The following TNFAIP2 variants were observed in gnomAD, a reference collection of about 807,000 sequenced individuals.
The protein encoded by TNFAIP2 is tumor necrosis factor alpha-induced protein 2.
Under a neutral mutation model 63.5 loss-of-function variants are expected in TNFAIP2, and 47 were observed. The ratio of observed to expected loss-of-function variants is 0.74; its 90% CI spans 0.59 to 0.94. TNFAIP2 has a LOEUF of 0.94. TNFAIP2 is among the 40% of genes least tolerant of loss of function. The probability of loss-of-function intolerance (pLI) is 0.00; values close to 1 mark genes in which losing one functional copy is unlikely to be tolerated. For synonymous variants in TNFAIP2, 405 were observed against 390.2 expected, an observed-to-expected ratio of 1.04 and a Z score of -0.45; for missense variants, 787 against 850.2, an observed-to-expected ratio of 0.93 and a Z score of 0.92.
At chr14:103,125,844 C>G (rs979449282) in intron 1 of TNFAIP2, among the ~76,000 whole-genome samples, 1 of 152,158 alleles carries the variant, frequency 6.6e-6, no homozygotes, top group African/African-American at 2.4e-5. Context: ...AGTCTCAGGC[C>G]GGTTCTGGTG....
chr14:103,131,268 A>C lies in TNFAIP2; in HGVS notation c.1298+118A>C, dbSNP rs1232828025. The C allele has an allele frequency of 6.1e-6, 7 of 1,141,410 alleles. No homozygotes were observed. In the Admixed American group the frequency reaches 1.3e-4, roughly 21 times the overall value. 70.7% of individuals were successfully genotyped at this position (1,141,410 alleles called of 1,614,324 possible). A position where few individuals can be genotyped will look rare whatever the true frequency, so the allele number is the denominator to read the frequency against. Reference sequence around the variant, plus strand: ...CCAAGAAGTGGAATTCAAACCAGCAACATGTGTGAGGACTCCACGGCCTGC... The same window carrying C: ...CCAAGAAGTGGAATTCAAACCAGCACCATGTGTGAGGACTCCACGGCCTGC... On this transcript the variant is annotated intron_variant, in intron 7 of 11. Coordinates refer to ENST00000560869, the MANE Select transcript of TNFAIP2 (RefSeq NM_006291.4). The surrounding 1 kb of genome is among the most constrained non-coding windows in gnomAD (Gnocchi z 4.0).
intron 2 of TNFAIP2, 111 bp from the exon 3 acceptor site, chr14:103,126,894 T>C: frequency 7.1e-7 from 1 of 1,404,652 alleles, no homozygotes; most frequent in South Asian, 1.5e-5. Context: ...TTTAGGGTGT[T>C]GGCCGCCGGC....
chr14:103,126,621 G>A lies in TNFAIP2; in HGVS notation c.164G>A (p.Gly55Asp). ...TTCACCAAAGGGAAGAAGAAGAAGG[G>A]TCAGCCCAGCTCAGCGGAGCCCGAG... ...CVFTKGKKKK[G>D]QPSSAEPEDA... The change falls in exon 2 of 12, where the codon GGT (glycine) becomes GAT (aspartate). Residue 55 changes from glycine (G) to aspartate (D), a missense_variant. By Grantham distance (94) the Gly-to-Asp change is moderately conservative (BLOSUM62 -1). Coordinates refer to ENST00000560869, the MANE Select transcript of TNFAIP2 (RefSeq NM_006291.4). 6.4e-7 allele frequency: 1 copy of A among 1,554,312 alleles called. No homozygotes were observed. The highest frequency in any genetic ancestry group is 8.7e-7 in the Non-Finnish European group (1 of 1,148,700).
chr14:103,132,438 A>G (rs2087996638), intron 8 of TNFAIP2, among the ~76,000 whole-genome samples: 1 of 152,106 alleles, frequency 6.6e-6, no homozygotes, highest in East Asian at 1.9e-4. Context: ...GCCAAGCACA[A>G]GGTCTTGTTT....
rs371126533 is a variant in TNFAIP2 at position 103,135,295 on chromosome 14, T to C, written c.1900T>C (p.Leu634=). Residue 634 remains leucine, a synonymous_variant, in exon 12 of 12, where the codon TTG becomes CTG. Coordinates refer to ENST00000560869, the MANE Select transcript of TNFAIP2 (RefSeq NM_006291.4). The surrounding 1 kb of genome is among the most constrained non-coding windows in gnomAD (Gnocchi z 7.6). ...TGAGGTCAAGCGCATCCGGAGCATC[T>C]TGGACGTCAGCATGGGGGCGCAGGA... is the stretch of plus-strand genomic sequence containing the variant. ...NSEVKRIRSI[L]DVSMGAQEPS... 3.1e-6 allele frequency: 5 copies of C among 1,613,872 alleles called. No individual in the cohort carries two copies. The highest frequency in any genetic ancestry group is 4.2e-6 in the Non-Finnish European group (5 of 1,179,976).
chr14:103,135,977 C>A lies in TNFAIP2; in HGVS notation c.*617C>A. 1 of 1,289,274 alleles carries A rather than the reference C, an allele frequency of 7.8e-7. No homozygotes were observed. The highest frequency in any genetic ancestry group is 1.0e-6 in the Non-Finnish European group (1 of 988,848). The allele number at this position is 1,289,274 out of a possible 1,614,324, so 79.9% of individuals were successfully genotyped here. On this transcript the variant is annotated 3_prime_UTR_variant, in exon 12 of 12. Transcript: ENST00000560869. This position sits in a 1 kb window ranked among gnomAD's most constrained non-coding sequence, Gnocchi z 7.6. ...CATCCAGGTGGCCCCACGGCCCCTACAGGCTGGCCCTGCAATGGGGCCCTG... is the reference window on the plus strand; with the variant it reads ...CATCCAGGTGGCCCCACGGCCCCTAAAGGCTGGCCCTGCAATGGGGCCCTG...
chr14:103,131,174 C>G lies in TNFAIP2; in HGVS notation c.1298+24C>G, dbSNP rs201861190. ...CGGTGAGAGTGTTGGGAGGGGCTTG[C>G]GGGAGTGGGAGTCACTCAGCGGGCA... On this transcript the variant is annotated intron_variant, in intron 7 of 11. Coordinates refer to ENST00000560869, the MANE Select transcript of TNFAIP2 (RefSeq NM_006291.4). This position sits in a 1 kb window ranked among gnomAD's most constrained non-coding sequence, Gnocchi z 4.0. 17 of 1,611,442 alleles carry G rather than the reference C, an allele frequency of 1.1e-5. No individual in the cohort carries two copies. In the East Asian group the frequency reaches 2.0e-4, roughly 19 times the overall value.
At position 103,135,174 on chromosome 14, in the gene TNFAIP2, G is replaced by C. The variant is rs373846891; in HGVS notation, c.1824-45G>C. 84 of 1,612,912 alleles carry C rather than the reference G, an allele frequency of 5.2e-5. No individual in the cohort carries two copies. In the African/African-American group the frequency reaches 9.9e-4, roughly 19 times the overall value. ...GGGAGTGCAGGGAGCTGGTGAGTAG[G>C]GGTGTGGGTGACAGGCTGGGCTGAC... On this transcript the variant is annotated intron_variant, in intron 11 of 11. Transcript: ENST00000560869. The surrounding 1 kb of genome is among the most constrained non-coding windows in gnomAD (Gnocchi z 7.6).
chr14:103,129,273 G>A (rs1473113099), intron 3 of TNFAIP2, among the ~76,000 whole-genome samples: 1 of 152,210 alleles, frequency 6.6e-6, no homozygotes, highest in Admixed American at 6.5e-5. Flanking sequence ...GCTGTGAGTA[G>A]GAGCAGGGTT....
chr14:103,133,374 G>A lies in TNFAIP2; in HGVS notation c.1558G>A (p.Ala520Thr). Residue 520 changes from alanine (A) to threonine (T), a missense_variant, in exon 10 of 12, where the codon GCC becomes ACC. Physicochemically the swap from Ala to Thr is moderately conservative, Grantham distance 58 (BLOSUM62 0). This residue lies in a region of TNFAIP2 where 523 missense variants were observed against 604.1 expected (regional missense o/e 0.87). Transcript: ENST00000560869. ...CTTGCCCTCCCAGGAGCTCATGGAG[G>A]CCTTGCACCTGCACCTGGTGAAGGA... ...QGCFREELME[A>T]LHLHLVKEYI... The A allele has an allele frequency of 6.2e-7, 1 of 1,613,560 alleles. No homozygotes were observed. The highest frequency in any genetic ancestry group is 8.5e-7 in the Non-Finnish European group (1 of 1,179,954).
At chr14:103,133,545 CCCT>C in intron 10 of TNFAIP2, 28 bp downstream of exon 10, 1 of 1,608,220 alleles carries the variant, frequency 6.2e-7, no homozygotes, top group Admixed American at 1.7e-5. Context: ...TCTCCCAAGC[CCCT>C]CTGAAATGGC....
Position 103,127,644 on chromosome 14 carries a change from G to A in TNFAIP2, c.860+15G>A. The A allele has an allele frequency of 1.4e-6, 2 of 1,458,348 alleles. No individual in the cohort carries two copies. Among genetic ancestry groups the A allele is most frequent in the Middle Eastern group, 1.8e-4 (1 of 5,522 alleles). 90.3% of individuals were successfully genotyped at this position (1,458,348 alleles called of 1,614,324 possible). A position where few individuals can be genotyped will look rare whatever the true frequency, so the allele number is the denominator to read the frequency against. On this transcript the variant is annotated intron_variant, in intron 3 of 11. Transcript: ENST00000560869. The surrounding 1 kb of genome is among the most constrained non-coding windows in gnomAD (Gnocchi z 5.1). ...CTCTACCCCAAGTGAGCAGACCAGGGGCTGGGCCCGGGCCGGCAGGGAGGG... is the reference window on the plus strand; with the variant it reads ...CTCTACCCCAAGTGAGCAGACCAGGAGCTGGGCCCGGGCCGGCAGGGAGGG...
chr14:103,129,769 G>A lies in TNFAIP2; in HGVS notation c.890G>A (p.Gly297Asp). Residue 297 changes from glycine (G) to aspartate (D), a missense_variant, in exon 4 of 12, where the codon GGT (glycine) becomes GAT (aspartate). By Grantham distance (94) the Gly-to-Asp change is moderately conservative (BLOSUM62 -1). Transcript: ENST00000560869. ...NDIINSPKLV[G>D]ELQGMGLGSL... ...ATCATCAACAGCCCCAAGCTGGTGG[G>A]TGAGCTGCAGGGTATGGGGCTCGGG... 6.2e-7 allele frequency: 1 copy of A among 1,614,012 alleles called. No individual in the cohort carries two copies. Among genetic ancestry groups the A allele is most frequent in the Non-Finnish European group, 8.5e-7 (1 of 1,179,952 alleles).
rs2088105677 is a variant in TNFAIP2 at position 103,136,956 on chromosome 14, G to C, written c.*1596G>C. ...GCTGTGTAACCTAACATAGTCACAG[G>C]CTCTGGGGACTGTCACGTGGACATC... On this transcript the variant is annotated 3_prime_UTR_variant, in exon 12 of 12. Coordinates refer to ENST00000560869, the MANE Select transcript of TNFAIP2 (RefSeq NM_006291.4). 6.6e-6 allele frequency: 1 copy of C among 152,182 alleles called. No homozygotes were observed. The highest frequency in any genetic ancestry group is 2.1e-4 in the South Asian group (1 of 4,832). 9.4% of individuals were successfully genotyped at this position (152,182 alleles called of 1,614,324 possible). A position where few individuals can be genotyped will look rare whatever the true frequency, so the allele number is the denominator to read the frequency against.
rs1320120227 is a variant in TNFAIP2 at position 103,127,305 on chromosome 14, C to G, written c.536C>G (p.Ala179Gly). Reference protein sequence around the residue: ...AAAGPGTSGLAATRPRRWLQL... With the variant: ...AAAGPGTSGLGATRPRRWLQL... ...GCGGGGCCGGGGACCTCGGGGCTGG[C>G]GGCCACGCGCCCGCGGCGCTGGCTG... Residue 179 changes from alanine to glycine, a missense_variant, in exon 3 of 12, where the codon GCG becomes GGG. Physicochemically the swap from Ala to Gly is moderately conservative, Grantham distance 60 (BLOSUM62 0). Transcript: ENST00000560869. The surrounding 1 kb of genome is among the most constrained non-coding windows in gnomAD (Gnocchi z 5.1). 1.0e-6 allele frequency: 1 copy of G among 987,508 alleles called. No individual in the cohort carries two copies. The highest frequency in any genetic ancestry group is 1.2e-6 in the Non-Finnish European group (1 of 833,170). 61.2% of individuals were successfully genotyped at this position (987,508 alleles called of 1,614,324 possible).
intron 3 of TNFAIP2, among the ~76,000 whole-genome samples, chr14:103,129,271 T>G (rs1431584751): frequency 6.6e-6 from 1 of 151,768 alleles, no homozygotes; most frequent in Non-Finnish European, 1.5e-5. Flanking sequence ...CTGCTGTGAG[T>G]AGGAGCAGGG....
Position 103,126,541 on chromosome 14 carries a change from G to T in TNFAIP2, c.84G>T (p.Lys28Asn). Reference sequence around the variant, plus strand: ...ATAGGGAGGAGGAAGAGGCGGCGAAGAAGAAGAAGGAGAAGAAGAAGAAGT... The same window carrying T: ...ATAGGGAGGAGGAAGAGGCGGCGAATAAGAAGAAGGAGAAGAAGAAGAAGT... ...APYREEEEAAKKKKEKKKKSK... is the reference protein window; with the variant it reads ...APYREEEEAANKKKEKKKKSK... Residue 28 changes from lysine (K) to asparagine (N), a missense_variant, in exon 2 of 12, where the codon AAG becomes AAT. By Grantham distance (94) the Lys-to-Asn change is moderately conservative (BLOSUM62 0). This residue lies in a region of TNFAIP2 where 258 missense variants were observed against 228.9 expected (regional missense o/e 1.13). Coordinates refer to ENST00000560869, the MANE Select transcript of TNFAIP2 (RefSeq NM_006291.4). 6.4e-7 allele frequency: 1 copy of T among 1,570,642 alleles called. No individual in the cohort carries two copies. Among genetic ancestry groups the T allele is most frequent in the Admixed American group, 1.9e-5 (1 of 53,240 alleles).
chr14:103,133,855 C>T, intron 11 of TNFAIP2, 52 bp downstream of exon 11: 1 of 1,539,232 alleles, frequency 6.5e-7, no homozygotes, highest in Non-Finnish European at 8.7e-7. Context: ...TGGCCAAGGC[C>T]TCACAGGGCT....
chr14:103,130,159 C>T (rs780017945), intron 5 of TNFAIP2, 35 bp downstream of exon 5: 6 of 1,597,570 alleles, frequency 3.8e-6, no homozygotes, highest in South Asian at 2.2e-5. Flanking sequence ...ACGTACCGCC[C>T]GTGCACGTGC....
Sources: gnomAD v4.1 joint callset for allele counts (sites outside exome capture counted in the v4.1 genomes callset) on GRCh38, gnomAD v4.1.1 for gene constraint, gnomAD v4.1.1 regional missense constraint, Gnocchi (gnomAD v3.1) non-coding constraint, MANE v1.5 for transcripts, NCBI Gene and HGNC (gene_info 2026-07-23, HGNC 2026-07-21) for gene names.